NFKB1: variants seen among roughly 807,000 people sequenced by gnomAD.
NFKB1 encodes the protein nuclear factor kappa B subunit 1.
A neutral mutation model predicts 105.1 loss-of-function variants in NFKB1; 9 were observed. The observed-to-expected ratio is 0.09, with a 90% confidence interval of 0.05 to 0.15. The LOEUF (loss-of-function observed/expected upper bound fraction) is 0.15, where lower values mean the gene tolerates loss of function less well. Ranked by LOEUF, NFKB1 falls within the 10% of genes least tolerant of loss-of-function variation. The pLI is 1.00. For synonymous variants in NFKB1, 440 were observed against 442.2 expected, an observed-to-expected ratio of 1.00 and a Z score of 0.06; for missense variants, 830 against 1,203.7, an observed-to-expected ratio of 0.69 and a Z score of 4.59.
intron 23 of NFKB1, among the ~76,000 whole-genome samples, chr4:102,613,805 G>GTAAACACTAAATAATACAA (rs1385441729): frequency 2.0e-5 from 3 of 152,138 alleles, no homozygotes; most frequent in Non-Finnish European, 4.4e-5. Context: ...GAACTACTTA[G>GTAAACACTAAATAATACAA]TAAACACTAA....
chr4:102,569,231 G>A (rs1380803684), intron 6 of NFKB1, among the ~76,000 whole-genome samples: 2 of 152,112 alleles, frequency 1.3e-5, no homozygotes, highest in African/African-American at 2.4e-5. Context: ...CTGGAAACCA[G>A]TATTTTATTC....
chr4:102,562,340 T>C (rs1723510830), intron 5 of NFKB1, among the ~76,000 whole-genome samples: 3 of 152,214 alleles, frequency 2.0e-5, no homozygotes, highest in Admixed American at 1.3e-4. Flanking sequence ...AGTTACACTT[T>C]TACATTTATT....
At chr4:102,548,810 C>T (rs230518) in intron 5 of NFKB1, among the ~76,000 whole-genome samples, 106,687 of 152,024 alleles carry the variant, frequency 0.7, 38,204 homozygotes, top group African/African-American at 0.83. Flanking sequence ...CTTCTCTCTG[C>T]GTCCCTGTGT....
intron 6 of NFKB1, among the ~76,000 whole-genome samples, chr4:102,575,767 G>C (rs376479702): frequency 7.2e-5 from 11 of 152,140 alleles, no homozygotes; most frequent in Non-Finnish European, 1.0e-4. Flanking sequence ...TACCTCTCCT[G>C]TTCCTCATTC....
chr4:102,572,313 A>G (rs77803021), intron 6 of NFKB1, among the ~76,000 whole-genome samples: 7,926 of 122,784 alleles, frequency 0.065, 249 homozygotes, highest in African/African-American at 0.1. Flanking sequence ...GGTGGGGAAT[A>G]TCACACCCCT....
chr4:102,545,334 A>T (rs963782435), intron 5 of NFKB1, among the ~76,000 whole-genome samples: 2 of 152,160 alleles, frequency 1.3e-5, no homozygotes, highest in African/African-American at 4.8e-5. Flanking sequence ...AGACTTTCAC[A>T]GACAATGCTT....
chr4:102,552,556 TAGAA>T (rs1315823807), intron 5 of NFKB1, among the ~76,000 whole-genome samples: 1 of 152,164 alleles, frequency 6.6e-6, no homozygotes, highest in Non-Finnish European at 1.5e-5. Flanking sequence ...TGTATGCCCT[TAGAA>T]AGATGTTTAC....
chr4:102,582,770 A>G (rs1725413519), intron 9 of NFKB1, 96 bp from the exon 10 acceptor site: 1 of 703,030 alleles, frequency 1.4e-6, no homozygotes, highest in Non-Finnish European at 2.4e-6. Context: ...GTAAATAGAT[A>G]GTAGGTAGAA....
rs758353538 is a variant in NFKB1 at position 102,613,505 on chromosome 4, A to G, written c.2673A>G (p.Ala891=). 8 of 1,613,984 alleles carry G rather than the reference A, an allele frequency of 5.0e-6. 1 individual carries two copies. The highest frequency in any genetic ancestry group is 5.1e-6 in the Non-Finnish European group (6 of 1,180,004). Residue 891 remains alanine, a synonymous_variant, in exon 23 of 24, where the codon GCA becomes GCG. Coordinates refer to ENST00000226574, the MANE Select transcript of NFKB1 (RefSeq NM_003998.4). ...CCGAAGCAATTGAAGTGATCCAGGC[A>G]GCCTCCAGCCCAGTGAAGACCACCT... The part of the protein sequence containing the change: ...GYTEAIEVIQ[A]ASSPVKTTSQ...
In NFKB1 at chr4:102,616,705, T is replaced by C; in HGVS notation, c.*111T>C. The C allele has an allele frequency of 9.2e-7, 1 of 1,089,878 alleles. No homozygotes were observed. Among genetic ancestry groups the C allele is most frequent in the South Asian group, 1.7e-5 (1 of 60,576 alleles). 67.5% of individuals were successfully genotyped at this position (1,089,878 alleles called of 1,614,324 possible). On this transcript the variant is annotated 3_prime_UTR_variant, in exon 24 of 24. Coordinates refer to ENST00000226574, the MANE Select transcript of NFKB1 (RefSeq NM_003998.4). ...AAGGTGCTCAGAGAGCCGGCCCGCC[T>C]GAATCATTCTCGATTTAACTCGAGA...
chr4:102,597,713 G>A (rs772450410), intron 15 of NFKB1, 52 bp downstream of exon 15: 22 of 1,580,148 alleles, frequency 1.4e-5, no homozygotes, highest in Non-Finnish European at 1.9e-5. Flanking sequence ...AAGAAGAAGA[G>A]CATCGTATAA....
intron 23 of NFKB1, 120 bp downstream of exon 23, chr4:102,613,701 T>G: frequency 8.5e-7 from 1 of 1,174,542 alleles, no homozygotes; most frequent in South Asian, 1.6e-5. Flanking sequence ...CACTTCCCTG[T>G]GTGTCTCTCT....
In NFKB1 at chr4:102,507,457, TA is replaced by T. The variant is rs200858693; in HGVS notation, c.-8+5670del. ...TGAGATGAACCTTTTTTTTGTAATT[TA>T]TTTTTTATTTTTTATTTTTTTTCAG... On this transcript the variant is annotated intron_variant, in intron 1 of 23. Transcript: ENST00000226574. 6.1e-3 allele frequency among the ~76,000 whole-genome samples: 898 copies of T among 148,170 alleles called. 6 individuals carry two copies. The highest frequency in any genetic ancestry group is 0.02 in the African/African-American group (813 of 40,306).
intron 20 of NFKB1, among the ~76,000 whole-genome samples, chr4:102,611,474 A>C (rs1728409313): frequency 6.6e-6 from 1 of 152,238 alleles, no homozygotes; most frequent in Admixed American, 6.5e-5. Flanking sequence ...CAACAGAGTG[A>C]CTGCAGAGAA....
intron 6 of NFKB1, among the ~76,000 whole-genome samples, chr4:102,567,442 A>G (rs1177265299): frequency 6.6e-6 from 1 of 152,228 alleles, no homozygotes; most frequent in African/African-American, 2.4e-5. Context: ...TATTTGTGCC[A>G]CTATTAATTT....
chr4:102,565,343 C>T (rs1441151717), intron 5 of NFKB1, among the ~76,000 whole-genome samples: 8 of 152,134 alleles, frequency 5.3e-5, no homozygotes, highest in Non-Finnish European at 8.8e-5. Flanking sequence ...GGTGGAGCTG[C>T]ACAGTTGACT....
At position 102,612,046 on chromosome 4, in the gene NFKB1, A is replaced by G. The variant is rs1033858340; in HGVS notation, c.2355A>G (p.Val785=). Reference sequence around the variant, plus strand: ...TCTGGTGTTTTTCTTTCCAACAGGTATTTGACATATTAAATGGGAAACCAT... The same window carrying G: ...TCTGGTGTTTTTCTTTCCAACAGGTGTTTGACATATTAAATGGGAAACCAT... The part of the protein sequence containing the change: ...TPLDMATSWQ[V]FDILNGKPYE... Residue 785 remains valine, a splice_region_variant and synonymous_variant, in exon 21 of 24, where the codon GTA becomes GTG. Transcript: ENST00000226574. 3 of 1,613,196 alleles carry G rather than the reference A, an allele frequency of 1.9e-6. No homozygotes were observed. Among genetic ancestry groups the G allele is most frequent in the Non-Finnish European group, 2.5e-6 (3 of 1,179,294 alleles).
Position 102,616,334 on chromosome 4 carries a change from G to A in NFKB1, c.2750-100G>A, listed in dbSNP as rs70937094. On this transcript the variant is annotated intron_variant, in intron 23 of 23. Transcript: ENST00000226574. ...TGAGGGTGGCATAGGTGGGATGTGTGGCTGGCAGAAGCCAGTGGGCAAGAG... is the reference window on the plus strand; with the variant it reads ...TGAGGGTGGCATAGGTGGGATGTGTAGCTGGCAGAAGCCAGTGGGCAAGAG... 2.0e-5 allele frequency: 27 copies of A among 1,321,256 alleles called. No homozygotes were observed. The South Asian group carries it at 3.2e-4, about 16-fold the overall frequency. The allele number at this position is 1,321,256 out of a possible 1,614,324, so 81.8% of individuals were successfully genotyped here.
At chr4:102,554,713 C>T (rs894729806) in intron 5 of NFKB1, among the ~76,000 whole-genome samples, 7 of 152,138 alleles carry the variant, frequency 4.6e-5, no homozygotes, top group African/African-American at 1.7e-4. Flanking sequence ...AGCTGTCTTG[C>T]GGAGTCTCCC....
Sources: allele counts gnomAD v4.1 joint callset (sites outside exome capture counted in the v4.1 genomes callset), GRCh38; gene constraint gnomAD v4.1.1; transcripts MANE v1.5; gene names NCBI Gene and HGNC (gene_info 2026-07-23, HGNC 2026-07-21).